Variants in ADAM19 observed in about 807,000 individuals in gnomAD.
ADAM19 encodes the protein ADAM metallopeptidase domain 19, also known as disintegrin and metalloproteinase domain-containing protein 19.
In ADAM19, 65 loss-of-function variants were observed where a neutral mutation model predicts 114.7. The ratio of observed to expected loss-of-function variants is 0.57; its 90% CI spans 0.46 to 0.70. ADAM19 has a LOEUF of 0.70. Among genes scored for constraint, ADAM19 ranks in the 30% least tolerant of loss-of-function variants. The pLI is 0.00. For synonymous variants in ADAM19, 466 were observed against 460.5 expected (o/e 1.01, Z -0.15); for missense variants, 1,063 against 1,204.7 (o/e 0.88, Z 1.74).
In ADAM19 at chr5:157,481,844, G is replaced by T. The variant is rs755897653; in HGVS notation, c.2650C>A (p.Pro884Thr). 6.3e-7 allele frequency: 1 copy of T among 1,585,112 alleles called. No homozygotes were observed. The highest frequency in any genetic ancestry group is 1.2e-5 in the South Asian group (1 of 86,874). The change falls in exon 22 of 23, where the codon CCC becomes ACC. Residue 884 changes from proline (P) to threonine (T), a missense_variant. Physicochemically the swap from Pro to Thr is conservative, Grantham distance 38 (BLOSUM62 -1). Around this residue, in one of 3 missense-constraint regions of ADAM19, gnomAD observed 424 missense variants for 445.5 expected, o/e 0.95. Transcript: ENST00000257527. ...PRPGGASPLR[P>T]PGAGPQQSRP... ...GACTGCTGAGGGCCAGCACCAGGGG[G>T]CCGCAGTGGGGATGCACCTCCTGGC...
intron 8 of ADAM19, among the ~76,000 whole-genome samples, chr5:157,511,901 T>A (rs1156824954): frequency 6.6e-6 from 1 of 152,226 alleles, no homozygotes; most frequent in Non-Finnish European, 1.5e-5. Context: ...TGGGGCTTGC[T>A]GGTGCCTCTC....
At chr5:157,508,917 G>T (rs536841656) in intron 9 of ADAM19, among the ~76,000 whole-genome samples, 1 of 152,356 alleles carries the variant, frequency 6.6e-6, no homozygotes, top group South Asian at 2.1e-4. Context: ...CTGTGCCTGT[G>T]TTGGGAGATC....
Position 157,481,291 on chromosome 5 carries a change from A to G in ADAM19, c.2704-289T>C, listed in dbSNP as rs1484631473. 3 of 571,912 alleles carry G rather than the reference A, an allele frequency of 5.2e-6. No individual in the cohort carries two copies. The East Asian group carries it at 8.9e-5, about 17-fold the overall frequency. The allele number at this position is 571,912 out of a possible 1,614,324, so 35.4% of individuals were successfully genotyped here. On this transcript the variant is annotated intron_variant, in intron 22 of 22. Transcript: ENST00000257527. ...TCTCAATGCCTCGTGGGAATACAGC[A>G]TGGTCAGCCAGCTTCTTCACCTCAT... is the stretch of plus-strand genomic sequence containing the variant.
intron 3 of ADAM19, 92 bp from the exon 4 acceptor site, chr5:157,538,083 C>T (rs1756814242): frequency 3.0e-6 from 3 of 1,008,154 alleles, no homozygotes; most frequent in African/African-American, 1.6e-5. Context: ...CCAGGCAGGA[C>T]TATCCCAAGC....
chr5:157,500,202 T>G (rs1755516517), intron 12 of ADAM19, among the ~76,000 whole-genome samples: 1 of 152,056 alleles, frequency 6.6e-6, no homozygotes, highest in African/African-American at 2.4e-5. Context: ...ACATCTTTTT[T>G]TGAGACAGTC....
At chr5:157,535,047 T>TAAAAAAA (rs748895568) in intron 4 of ADAM19, among the ~76,000 whole-genome samples, 27 of 152,046 alleles carry the variant, frequency 1.8e-4, no homozygotes, top group Admixed American at 3.9e-4. Flanking sequence ...CTGTAAAATG[T>TAAAAAAA]GGGGTTGGAA....
chr5:157,509,338 G>A lies in ADAM19; in HGVS notation c.868C>T (p.Leu290Phe). 6.2e-7 allele frequency: 1 copy of A among 1,612,156 alleles called. No individual in the cohort carries two copies. The highest frequency in any genetic ancestry group is 8.5e-7 in the Non-Finnish European group (1 of 1,178,858). Reference protein sequence around the residue: ...WSFLSWRRKLLAQKYHDNAQL... With the variant: ...WSFLSWRRKLFAQKYHDNAQL... Reference sequence around the variant, plus strand: ...GCGTTGTCATGGTACTTCTGGGCAAGCAGCTTGCGCCTCCAACTGAGAAAG... The same window carrying A: ...GCGTTGTCATGGTACTTCTGGGCAAACAGCTTGCGCCTCCAACTGAGAAAG... The change falls in exon 9 of 23, where the codon CTT becomes TTT. Residue 290 changes from leucine (L) to phenylalanine (F), a missense_variant. Leu to Phe is a conservative substitution (Grantham distance 22). Coordinates refer to ENST00000257527, the MANE Select transcript of ADAM19 (RefSeq NM_033274.5).
rs34882961 is a variant in ADAM19, at chr5:157,491,630, G to A, written c.2080C>T (p.Pro694Ser). Residue 694 changes from proline (P) to serine (S), a missense_variant, in exon 18 of 23, where the codon CCT (proline) becomes TCT (serine). Pro to Ser is a moderately conservative substitution (Grantham distance 74, BLOSUM62 -1). Transcript: ENST00000257527. ...PGHGGSIDSG[P>S]MPPESVGPVV... ...TGGCACTCACTCTCAGGGGGCATAG[G>A]CCCACTGTCGATACTGCCCCCGTGG... The A allele has an allele frequency of 3.5e-3, 5,373 of 1,529,602 alleles. 17 individuals carry two copies. Among genetic ancestry groups the A allele is most frequent in the Non-Finnish European group, 3.9e-3 (4,473 of 1,137,956 alleles). 94.8% of individuals were successfully genotyped at this position (1,529,602 alleles called of 1,614,324 possible).
At chr5:157,499,777 T>C in intron 12 of ADAM19, 115 bp from the exon 13 acceptor site, 3 of 434,624 alleles carry the variant, frequency 6.9e-6, no homozygotes, top group Admixed American at 4.3e-5. Flanking sequence ...CTATCTCTTT[T>C]TTTTTTTTTT....
intron 4 of ADAM19, among the ~76,000 whole-genome samples, chr5:157,536,785 A>G (rs1756779944): frequency 6.6e-6 from 1 of 152,218 alleles, no homozygotes; most frequent in Non-Finnish European, 1.5e-5. Flanking sequence ...TGGGCCTGGT[A>G]GAACACTCAG....
At chr5:157,520,669 G>A (rs2113742342) in intron 5 of ADAM19, among the ~76,000 whole-genome samples, 1 of 152,314 alleles carries the variant, frequency 6.6e-6, no homozygotes, top group African/African-American at 2.4e-5. Flanking sequence ...ATGATTAAGT[G>A]GAAAGACAAG....
At chr5:157,505,299 C>G (rs73814808) in intron 11 of ADAM19, among the ~76,000 whole-genome samples, 1 of 152,038 alleles carries the variant, frequency 6.6e-6, no homozygotes, top group Non-Finnish European at 1.5e-5. Context: ...GGAATTGAAA[C>G]AGCACTGATC....
At chr5:157,506,958 A>G in intron 10 of ADAM19, 98 bp downstream of exon 10, 2 of 1,089,338 alleles carry the variant, frequency 1.8e-6, no homozygotes, top group Non-Finnish European at 2.7e-6. Flanking sequence ...TTTTTCTGCT[A>G]CAATAATAAA....
rs942834261 is a variant in ADAM19, at chr5:157,479,734, C to A, written c.*1215G>T. 6.1e-6 allele frequency: 6 copies of A among 985,762 alleles called. No homozygotes were observed. The African/African-American group carries it at 7.0e-5, about 11-fold the overall frequency. The allele number at this position is 985,762 out of a possible 1,614,324, so 61.1% of individuals were successfully genotyped here. On this transcript the variant is annotated 3_prime_UTR_variant, in exon 23 of 23. Coordinates refer to ENST00000257527, the MANE Select transcript of ADAM19 (RefSeq NM_033274.5). Reference sequence around the variant, plus strand: ...TCTGACTGTTCCAGTGCAGCTGCTGCTGGCTGCCTTCTCCAGTGATCTCGG... The same window carrying A: ...TCTGACTGTTCCAGTGCAGCTGCTGATGGCTGCCTTCTCCAGTGATCTCGG...
chr5:157,481,790 C>A lies in ADAM19; in HGVS notation c.2703+1G>T. On this transcript the variant is annotated splice_donor_variant, in intron 22 of 22. Transcript: ENST00000257527. LOFTEE classifies it high-confidence loss of function. ...ACCTTGAGGGCTTCCCGTGGACTCA[C>A]CTTTGGGGCAAGTGCTGCCAGAGGC... The A allele has an allele frequency of 6.4e-7, 1 of 1,570,248 alleles. No homozygotes were observed. The highest frequency in any genetic ancestry group is 1.7e-4 in the Middle Eastern group (1 of 6,016).
rs748657546 is a variant in ADAM19 at position 157,513,522 on chromosome 5, G to GA, written c.667-18dup. The stretch of plus-strand genomic sequence containing the variant: ...CTTCTGAAACTAAATGGGACAAGCA[G>GA]AACCATGTGAGATCCCAGAACCTCT... On this transcript the variant is annotated splice_polypyrimidine_tract_variant and intron_variant, in intron 7 of 22. Coordinates refer to ENST00000257527, the MANE Select transcript of ADAM19 (RefSeq NM_033274.5). 1.7e-5 allele frequency: 27 copies of GA among 1,611,426 alleles called. No individual in the cohort carries two copies. In the South Asian group the frequency reaches 3.0e-4, roughly 18 times the overall value.
At chr5:157,493,323 C>G in intron 15 of ADAM19, 146 bp from the exon 16 acceptor site, 1 of 770,702 alleles carries the variant, frequency 1.3e-6, no homozygotes, top group Non-Finnish European at 2.1e-6. Context: ...TGCTTTGGAA[C>G]CCACCAGGAG....
rs372467211 is a variant in ADAM19, at chr5:157,559,497, T to C, written c.251+4876A>G. Among the ~76,000 whole-genome samples, 24 of 152,334 alleles carry C rather than the reference T, an allele frequency of 1.6e-4. No individual in the cohort carries two copies. The East Asian group carries it at 3.5e-3, about 22-fold the overall frequency. ...GCCCAGTGAGCATCCAGGAATCTGG[T>C]TGAGCAATTCAGTGTGCCCTCCTTT... On this transcript the variant is annotated intron_variant, in intron 3 of 22. Coordinates refer to ENST00000257527, the MANE Select transcript of ADAM19 (RefSeq NM_033274.5).
intron 3 of ADAM19, among the ~76,000 whole-genome samples, chr5:157,561,327 C>G (rs1489580762): frequency 6.6e-6 from 1 of 152,216 alleles, no homozygotes; most frequent in Non-Finnish European, 1.5e-5. Context: ...CCATTCTTGG[C>G]GATCTCTCCA....
Sources: allele counts gnomAD v4.1 joint callset (sites outside exome capture counted in the v4.1 genomes callset), GRCh38; gene constraint gnomAD v4.1.1; regional missense constraint gnomAD v4.1.1; transcripts MANE v1.5; gene names NCBI Gene and HGNC (gene_info 2026-07-23, HGNC 2026-07-21).